The following RALGAPA2 variants were observed in gnomAD, a reference collection of about 807,000 sequenced individuals.
RALGAPA2 encodes the protein Ral GTPase activating protein catalytic subunit alpha 2, also known as ral GTPase-activating protein subunit alpha-2.
In RALGAPA2, 139 loss-of-function variants were observed where a neutral mutation model predicts 230.4. The observed-to-expected ratio is 0.60, with a 90% CI of 0.53 to 0.69. RALGAPA2 has a LOEUF of 0.69. RALGAPA2 is among the 30% of genes least tolerant of loss of function. RALGAPA2 has a pLI of 0.00. For missense variants in RALGAPA2, 2,163 were observed against 2,276.0 expected, an observed-to-expected ratio of 0.95 and a Z score of 1.01; for synonymous variants, 847 against 837.8, an observed-to-expected ratio of 1.01 and a Z score of -0.19.
At chr20:20,605,544 C>T (rs2065794072) in intron 14 of RALGAPA2, 132 bp from the exon 15 acceptor site, 1 of 730,956 alleles carries the variant, frequency 1.4e-6, no homozygotes, top group South Asian at 2.0e-5. Flanking sequence ...AGTTGTTTTT[C>T]TTTTAATTCT....
intron 20 of RALGAPA2, among the ~76,000 whole-genome samples, chr20:20,579,529 C>T (rs962143312): frequency 6.6e-6 from 1 of 152,136 alleles, no homozygotes; most frequent in Non-Finnish European, 1.5e-5. Flanking sequence ...GGCTTTTTCC[C>T]TTTGTGGTTC....
At chr20:20,625,188 C>T (rs907034361) in intron 10 of RALGAPA2, among the ~76,000 whole-genome samples, 1 of 152,166 alleles carries the variant, frequency 6.6e-6, no homozygotes, top group Non-Finnish European at 1.5e-5. Flanking sequence ...TCTATCAGTT[C>T]ACCTGTACAC....
At chr20:20,543,458 T>C (rs1235835263) in intron 24 of RALGAPA2, among the ~76,000 whole-genome samples, 1 of 152,102 alleles carries the variant, frequency 6.6e-6, no homozygotes, top group Non-Finnish European at 1.5e-5. Context: ...CTATTCACAA[T>C]AGCAAAGACT....
intron 16 of RALGAPA2, among the ~76,000 whole-genome samples, chr20:20,599,741 G>A (rs1431738252): frequency 6.6e-6 from 1 of 152,156 alleles, no homozygotes; most frequent in African/African-American, 2.4e-5. Context: ...GGAAGGCCAA[G>A]ACAGGCAAAT....
chr20:20,548,626 C>T (rs952831164), intron 23 of RALGAPA2, among the ~76,000 whole-genome samples: 2 of 152,172 alleles, frequency 1.3e-5, no homozygotes, highest in Non-Finnish European at 2.9e-5. Context: ...GCTTTAATCA[C>T]GTCCTTTGAT....
rs370048652 is a variant in RALGAPA2, at chr20:20,647,221, C to A, written c.329-3672G>T. Among the ~76,000 whole-genome samples the A allele has an allele frequency of 4.9e-4, 75 of 152,234 alleles. No homozygotes were observed. The South Asian group carries it at 6.8e-3, about 14-fold the overall frequency. On this transcript the variant is annotated intron_variant, in intron 4 of 39. Transcript: ENST00000202677. ...ACCTAAAACTTTAACATTATAAAATCTTTTCTTATTTAGTTTTAATTTTTT... is the reference window on the plus strand; with the variant it reads ...ACCTAAAACTTTAACATTATAAAATATTTTCTTATTTAGTTTTAATTTTTT...
chr20:20,512,930 G>A lies in RALGAPA2; in HGVS notation c.4439C>T (p.Pro1480Leu). 1 of 1,613,754 alleles carries A rather than the reference G, an allele frequency of 6.2e-7. No individual in the cohort carries two copies. Among genetic ancestry groups the A allele is most frequent in the Non-Finnish European group, 8.5e-7 (1 of 1,179,720 alleles). Reference sequence around the variant, plus strand: ...ATTGGGTGCTAAGCAGCCTTCCAAAGGTCCATATAAAACCTTACCATCCCA... The same window carrying A: ...ATTGGGTGCTAAGCAGCCTTCCAAAAGTCCATATAAAACCTTACCATCCCA... ...YSWDGKVLYG[P>L]LEGCLAPNGR... is the part of the protein sequence containing the mutation. The change falls in exon 32 of 40, where the codon CCT becomes CTT. Residue 1480 changes from proline (P) to leucine (L), a missense_variant. Pro to Leu is a moderately conservative substitution (Grantham distance 98). Coordinates refer to ENST00000202677, the MANE Select transcript of RALGAPA2 (RefSeq NM_020343.4).
At chr20:20,517,183 G>C (rs1393934812) in intron 31 of RALGAPA2, among the ~76,000 whole-genome samples, 1 of 152,228 alleles carries the variant, frequency 6.6e-6, no homozygotes. Flanking sequence ...GCTTGCACAA[G>C]AGGCAGAGTC....
At position 20,674,188 on chromosome 20, in the gene RALGAPA2, A is replaced by AAATAATAAT. The variant is rs72521913; in HGVS notation, c.270+2039_270+2047dup. Among the ~76,000 whole-genome samples, 231 of 146,296 alleles carry AAATAATAAT rather than the reference A, an allele frequency of 1.6e-3. 1 individual carries two copies. Among genetic ancestry groups the AAATAATAAT allele is most frequent in the African/African-American group, 4.1e-3 (168 of 40,510 alleles). Reference sequence around the variant, plus strand: ...TCCAGCCTGGGCAATACCCTGACTCAAATAATAATAATAATAATAATAATA... The same window carrying AAATAATAAT: ...TCCAGCCTGGGCAATACCCTGACTCAAATAATAATAATAATAATAATAATAATAATAATA... On this transcript the variant is annotated intron_variant, in intron 3 of 39. Coordinates refer to ENST00000202677, the MANE Select transcript of RALGAPA2 (RefSeq NM_020343.4).
chr20:20,436,520 A>G (rs1221204984), intron 37 of RALGAPA2, among the ~76,000 whole-genome samples: 1 of 152,206 alleles, frequency 6.6e-6, no homozygotes, highest in Non-Finnish European at 1.5e-5. Context: ...ACGGCAATAC[A>G]TGAGTAAGAC....
intron 16 of RALGAPA2, among the ~76,000 whole-genome samples, chr20:20,598,374 T>C (rs988399632): frequency 3.3e-5 from 5 of 152,312 alleles, no homozygotes; most frequent in South Asian, 4.1e-4. Flanking sequence ...ATGGGCACTG[T>C]ATAGAAGACA....
intron 24 of RALGAPA2, among the ~76,000 whole-genome samples, chr20:20,542,091 C>T (rs2063658199): frequency 6.6e-6 from 1 of 152,106 alleles, no homozygotes; most frequent in African/African-American, 2.4e-5. Context: ...GTGCAAAAAT[C>T]ACAAGCATTC....
chr20:20,623,278 C>A (rs1346526913), intron 10 of RALGAPA2, among the ~76,000 whole-genome samples: 3 of 151,872 alleles, frequency 2.0e-5, no homozygotes, highest in African/African-American at 4.8e-5. Flanking sequence ...AAAGAGTTAG[C>A]GAAAGATGTA....
Position 20,629,427 on chromosome 20 carries a change from A to G in RALGAPA2, c.1169T>C (p.Met390Thr). Residue 390 changes from methionine to threonine, a missense_variant, in exon 10 of 40, where the codon ATG (methionine) becomes ACG (threonine). Met to Thr is a moderately conservative substitution (Grantham distance 81). Coordinates refer to ENST00000202677, the MANE Select transcript of RALGAPA2 (RefSeq NM_020343.4). ...IEEEHRMVYE[M>T]VQRILLSTRG... ...TGTTGACAAGAGAATCCGCTGTACC[A>G]TTTCATACACCATTCGGTGCTCTTC... 1.2e-6 allele frequency: 2 copies of G among 1,613,772 alleles called. No homozygotes were observed. The highest frequency in any genetic ancestry group is 1.1e-5 in the South Asian group (1 of 91,068).
At chr20:20,709,606 T>C (rs1359121689) in intron 1 of RALGAPA2, among the ~76,000 whole-genome samples, 1 of 152,212 alleles carries the variant, frequency 6.6e-6, no homozygotes, top group Non-Finnish European at 1.5e-5. Flanking sequence ...CAGCTCTTCG[T>C]TCTTCCTCTA....
At chr20:20,638,108 A>C (rs1406238529) in intron 7 of RALGAPA2, among the ~76,000 whole-genome samples, 4 of 152,112 alleles carry the variant, frequency 2.6e-5, no homozygotes, top group Non-Finnish European at 5.9e-5. Context: ...CCCCTCAAAA[A>C]CCCATCAGTG....
In RALGAPA2 at chr20:20,513,178, T is replaced by A. The variant is rs1380089337; in HGVS notation, c.4191A>T (p.Ile1397=). The A allele has an allele frequency of 6.5e-7, 1 of 1,536,818 alleles. No individual in the cohort carries two copies. The highest frequency in any genetic ancestry group is 1.4e-5 in the African/African-American group (1 of 72,382). The change falls in exon 32 of 40, where the codon ATA becomes ATT. Residue 1397 remains isoleucine, a synonymous_variant. Coordinates refer to ENST00000202677, the MANE Select transcript of RALGAPA2 (RefSeq NM_020343.4). ...GHYPLSGGPA[I]LHSLVSENHD... Reference sequence around the variant, plus strand: ...GGTTCTCGCTGACAAGGCTGTGCAGTATGGCAGGGCCCCCACTGAGGGGGT... The same window carrying A: ...GGTTCTCGCTGACAAGGCTGTGCAGAATGGCAGGGCCCCCACTGAGGGGGT...
chr20:20,417,157 T>G (rs999391017), intron 37 of RALGAPA2, among the ~76,000 whole-genome samples: 5 of 152,246 alleles, frequency 3.3e-5, no homozygotes, highest in Non-Finnish European at 7.3e-5. Flanking sequence ...CTGCTGCCAC[T>G]GTTCCATCCC....
chr20:20,647,615 G>A (rs1300139440), intron 4 of RALGAPA2, among the ~76,000 whole-genome samples: 1 of 152,052 alleles, frequency 6.6e-6, no homozygotes, highest in African/African-American at 2.4e-5. Context: ...TGATTAACTG[G>A]ATTTCTTAAA....
Sources: allele counts gnomAD v4.1 joint callset (sites outside exome capture counted in the v4.1 genomes callset), GRCh38; gene constraint gnomAD v4.1.1; transcripts MANE v1.5; gene names NCBI Gene and HGNC (gene_info 2026-07-23, HGNC 2026-07-21).